The following PALS1 variants were observed in gnomAD, a reference collection of about 807,000 sequenced individuals.
PALS1 encodes the protein protein associated with LIN7 1, MAGUK p55 family member.
Under a neutral mutation model 78.9 loss-of-function variants are expected in PALS1, and 31 were observed. The ratio of observed to expected loss-of-function variants is 0.39; its 90% CI spans 0.30 to 0.53. The LOEUF (loss-of-function observed/expected upper bound fraction) is 0.53, where lower values mean the gene tolerates loss of function less well. PALS1 is among the 20% of genes least tolerant of loss of function. The pLI, the probability that PALS1 is intolerant of heterozygous loss-of-function variation, is 0.67. For synonymous variants in PALS1, 276 were observed against 270.9 expected, an observed-to-expected ratio of 1.02 and a Z score of -0.18; for missense variants, 704 against 826.5, an observed-to-expected ratio of 0.85 and a Z score of 1.82.
chr14:67,311,381 G>GT (rs2140943901), intron 8 of PALS1, among the ~76,000 whole-genome samples: 1 of 150,966 alleles, frequency 6.6e-6, no homozygotes, highest in South Asian at 2.1e-4. Context: ...TTCTTAGACT[G>GT]TTTGTCTTTT....
intron 3 of PALS1, among the ~76,000 whole-genome samples, chr14:67,285,427 C>T (rs533186627): frequency 5.0e-4 from 73 of 144,892 alleles, no homozygotes; most frequent in African/African-American, 1.8e-3. Flanking sequence ...AGTGCAGTGG[C>T]GCGATCTCGG....
chr14:67,285,877 A>G (rs1397915029), intron 3 of PALS1, among the ~76,000 whole-genome samples: 1 of 152,094 alleles, frequency 6.6e-6, no homozygotes, highest in Non-Finnish European at 1.5e-5. Context: ...GGATTTGTGG[A>G]CCCATGTGTA....
At chr14:67,287,182 G>A (rs990415984) in intron 3 of PALS1, among the ~76,000 whole-genome samples, 4 of 151,988 alleles carry the variant, frequency 2.6e-5, no homozygotes, top group African/African-American at 4.8e-5. Context: ...TCACACCACC[G>A]AACTCTAGCC....
At chr14:67,287,980 A>G (rs1340723822) in intron 3 of PALS1, among the ~76,000 whole-genome samples, 9 of 152,248 alleles carry the variant, frequency 5.9e-5, no homozygotes, top group South Asian at 2.1e-4. Flanking sequence ...TAGGGATACA[A>G]TTACCTTCTG....
At chr14:67,245,986 T>C (rs1200087789) in intron 1 of PALS1, among the ~76,000 whole-genome samples, 1 of 152,090 alleles carries the variant, frequency 6.6e-6, no homozygotes, top group Non-Finnish European at 1.5e-5. Context: ...TCCAGTTCCA[T>C]GACCATTTGT....
rs35018637 is a variant in PALS1 at position 67,323,232 on chromosome 14, C to CGTGTGTGTGTGTGTGT, written c.1741-455_1741-440dup. Among the ~76,000 whole-genome samples the CGTGTGTGTGTGTGTGT allele has an allele frequency of 4.0e-3, 575 of 143,584 alleles. 3 individuals carry two copies. Among genetic ancestry groups the CGTGTGTGTGTGTGTGT allele is most frequent in the African/African-American group, 0.014 (555 of 38,412 alleles). 94.2% of individuals were successfully genotyped at this position (143,584 alleles called of 152,430 possible). On this transcript the variant is annotated intron_variant, in intron 13 of 14. Coordinates refer to ENST00000261681, the MANE Select transcript of PALS1 (RefSeq NM_022474.4). ...ATATACATATATACACATATATACA[C>CGTGTGTGTGTGTGTGT]GTGTGTGTGTGTGTGTGTGTGTGTG...
At chr14:67,252,103 G>A (rs1250776500) in intron 1 of PALS1, among the ~76,000 whole-genome samples, 1 of 152,176 alleles carries the variant, frequency 6.6e-6, no homozygotes, top group Non-Finnish European at 1.5e-5. Flanking sequence ...CTATTCCTGA[G>A]TTGTATCCCT....
chr14:67,246,694 AGG>A (rs2083993304), intron 1 of PALS1, among the ~76,000 whole-genome samples: 1 of 122,972 alleles, frequency 8.1e-6, no homozygotes. Context: ...CTCTCTCGCC[AGG>A]CTGGAGTGCA....
chr14:67,300,668 A>G (rs886461349), intron 4 of PALS1, among the ~76,000 whole-genome samples: 9 of 151,930 alleles, frequency 5.9e-5, no homozygotes, highest in Admixed American at 5.9e-4. Context: ...AGCACCATAA[A>G]TAGTAGGTGC....
intron 1 of PALS1, among the ~76,000 whole-genome samples, chr14:67,260,434 T>C (rs909309119): frequency 2.6e-5 from 4 of 152,228 alleles, no homozygotes; most frequent in Non-Finnish European, 4.4e-5. Flanking sequence ...ATTTTATATG[T>C]TACGAACTCA....
At chr14:67,274,816 TCTC>T (rs1423494626) in intron 2 of PALS1, among the ~76,000 whole-genome samples, 1 of 152,228 alleles carries the variant, frequency 6.6e-6, no homozygotes, top group Non-Finnish European at 1.5e-5. Context: ...GGTTTCTAGT[TCTC>T]CTTGAAGAGG....
chr14:67,260,867 C>T (rs1277650096), intron 1 of PALS1, among the ~76,000 whole-genome samples: 1 of 151,956 alleles, frequency 6.6e-6, no homozygotes, highest in East Asian at 1.9e-4. Context: ...TAGTTTGATT[C>T]AGAAGACAGG....
In PALS1 at chr14:67,332,856, T is replaced by C. The variant is rs1389092221; in HGVS notation, c.1928T>C (p.Ile643Thr). ...QNNGHYFDTA[I>T]VNSDLDKAYQ... is the part of the protein sequence containing the mutation. ...AATGGCCACTACTTTGATACGGCAA[T>C]TGTGAATTCCGATCTTGATAAAGCC... Residue 643 changes from isoleucine (I) to threonine (T), a missense_variant, in exon 15 of 15, where the codon ATT (isoleucine) becomes ACT (threonine). Ile to Thr is a moderately conservative substitution (Grantham distance 89, BLOSUM62 -1). Coordinates refer to ENST00000261681, the MANE Select transcript of PALS1 (RefSeq NM_022474.4). 2 of 1,614,060 alleles carry C rather than the reference T, an allele frequency of 1.2e-6. No individual in the cohort carries two copies. The highest frequency in any genetic ancestry group is 1.7e-6 in the Non-Finnish European group (2 of 1,179,952).
intron 1 of PALS1, among the ~76,000 whole-genome samples, chr14:67,255,262 G>A (rs910609410): frequency 2.0e-5 from 3 of 152,198 alleles, no homozygotes; most frequent in African/African-American, 7.2e-5. Flanking sequence ...TCTGCATGGA[G>A]TACATTGAGA....
rs2085525592 is a variant in PALS1 at position 67,335,932 on chromosome 14, A to G, written c.*2976A>G. On this transcript the variant is annotated 3_prime_UTR_variant, in exon 15 of 15. Coordinates refer to ENST00000261681, the MANE Select transcript of PALS1 (RefSeq NM_022474.4). ...CAAGACCATTGGATCCTCCAGCTAC[A>G]ACACAAAATACTTTTTGATTTGTTC... 2.6e-5 allele frequency: 4 copies of G among 152,248 alleles called. No individual in the cohort carries two copies. Among genetic ancestry groups the G allele is most frequent in the Non-Finnish European group, 5.9e-5 (4 of 68,056 alleles). The allele number at this position is 152,248 out of a possible 1,614,324, so 9.4% of individuals were successfully genotyped here.
At chr14:67,316,499 G>A (rs556261476) in intron 9 of PALS1, among the ~76,000 whole-genome samples, 1 of 152,212 alleles carries the variant, frequency 6.6e-6, no homozygotes, top group African/African-American at 2.4e-5. Flanking sequence ...TAATTCTAAA[G>A]GACCTAGAAC....
chr14:67,302,616 C>T, intron 7 of PALS1, 45 bp downstream of exon 7: 1 of 1,334,788 alleles, frequency 7.5e-7, no homozygotes, highest in East Asian at 2.7e-5. Flanking sequence ...TTTTAGAAAG[C>T]TCTTATTAGA....
chr14:67,253,182 G>C (rs1453444402), intron 1 of PALS1, among the ~76,000 whole-genome samples: 1 of 152,182 alleles, frequency 6.6e-6, no homozygotes, highest in East Asian at 1.9e-4. Context: ...GCAGAATGGG[G>C]ATGCTTAATT....
intron 11 of PALS1, among the ~76,000 whole-genome samples, chr14:67,319,153 T>C (rs1297660424): frequency 2.0e-5 from 3 of 152,202 alleles, no homozygotes; most frequent in African/African-American, 7.2e-5. Flanking sequence ...CAAGTGTAGT[T>C]TGAGCTCCTG....
Sources: allele counts gnomAD v4.1 joint callset (sites outside exome capture counted in the v4.1 genomes callset), GRCh38; gene constraint gnomAD v4.1.1; transcripts MANE v1.5; gene names NCBI Gene and HGNC (gene_info 2026-07-23, HGNC 2026-07-21).